TENM4: variants seen among roughly 807,000 people sequenced by gnomAD.
TENM4 encodes the protein teneurin transmembrane protein 4.
Under a neutral mutation model 243.3 loss-of-function variants are expected in TENM4, and 82 were observed. The observed-to-expected ratio is 0.34, with a 90% confidence interval of 0.28 to 0.40. The LOEUF is 0.40. Among genes scored for constraint, TENM4 ranks in the 10% least tolerant of loss-of-function variants. The pLI, the probability that TENM4 is intolerant of heterozygous loss-of-function variation, is 1.00. For missense variants in TENM4, 3,138 were observed against 3,673.3 expected (o/e 0.85, Z 3.77); for synonymous variants, 1,412 against 1,456.3 (o/e 0.97, Z 0.69).
At chr11:79,295,395 T>G (rs1397457922) in intron 2 of TENM4, among the ~76,000 whole-genome samples, 1 of 152,134 alleles carries the variant, frequency 6.6e-6, no homozygotes, top group Non-Finnish European at 1.5e-5. Flanking sequence ...AGGAAAGGGT[T>G]TGCACACACA....
intron 6 of TENM4, among the ~76,000 whole-genome samples, chr11:78,920,185 A>C (rs1177682454): frequency 1.3e-5 from 2 of 152,198 alleles, no homozygotes; most frequent in Non-Finnish European, 2.9e-5. Context: ...CAGACCATCG[A>C]TATCAACTCA....
At chr11:78,672,940 A>G (rs949858345) in intron 30 of TENM4, among the ~76,000 whole-genome samples, 3 of 151,746 alleles carry the variant, frequency 2.0e-5, no homozygotes, top group African/African-American at 4.8e-5. Flanking sequence ...TGCCACTACA[A>G]TCAGGGCTTC....
chr11:79,439,661 G>C (rs540876405), intron 1 of TENM4, among the ~76,000 whole-genome samples: 17 of 85,790 alleles, frequency 2.0e-4, no homozygotes, highest in African/African-American at 6.3e-4. Context: ...GCGTGTGTGT[G>C]TCCACACACA....
intron 1 of TENM4, among the ~76,000 whole-genome samples, chr11:79,306,170 A>G (rs1296462189): frequency 6.6e-6 from 1 of 151,970 alleles, no homozygotes; most frequent in Non-Finnish European, 1.5e-5. Context: ...TCCTGTGCTC[A>G]TCTTTGAGGG....
At chr11:78,712,752 C>G (rs1421872380) in intron 25 of TENM4, 38 bp from the exon 26 acceptor site, 1 of 1,587,756 alleles carries the variant, frequency 6.3e-7, no homozygotes, top group East Asian at 2.2e-5. Context: ...TGAGCATTTT[C>G]TTCTTCCTAT....
intron 1 of TENM4, among the ~76,000 whole-genome samples, chr11:79,341,680 C>T (rs1857244394): frequency 6.6e-6 from 1 of 152,186 alleles, no homozygotes; most frequent in Non-Finnish European, 1.5e-5. Context: ...ATTGGGGCCT[C>T]TCTGTGCTCT....
At chr11:79,176,562 G>A (rs971549070) in intron 3 of TENM4, among the ~76,000 whole-genome samples, 1 of 152,012 alleles carries the variant, frequency 6.6e-6, no homozygotes. Flanking sequence ...CTATTTAAAA[G>A]GCATTCTTTC....
intron 6 of TENM4, among the ~76,000 whole-genome samples, chr11:78,936,500 C>T (rs554881366): frequency 2.0e-5 from 3 of 152,322 alleles, no homozygotes; most frequent in East Asian, 1.9e-4. Context: ...TTCTGAGGAA[C>T]TGTTAACTGC....
intron 12 of TENM4, among the ~76,000 whole-genome samples, chr11:78,823,957 G>T (rs1857793297): frequency 6.6e-6 from 1 of 152,084 alleles, no homozygotes; most frequent in South Asian, 2.1e-4. Flanking sequence ...CCGTATGTAG[G>T]AAGGGAAAGT....
At chr11:79,423,425 C>G (rs1221126745) in intron 1 of TENM4, among the ~76,000 whole-genome samples, 1 of 152,092 alleles carries the variant, frequency 6.6e-6, no homozygotes, top group Non-Finnish European at 1.5e-5. Flanking sequence ...CTTTCTCCCC[C>G]ATACCATCCA....
At chr11:79,296,324 C>T (rs1485130802) in intron 2 of TENM4, among the ~76,000 whole-genome samples, 3 of 151,618 alleles carry the variant, frequency 2.0e-5, no homozygotes, top group African/African-American at 2.4e-5. Flanking sequence ...AAGAAGGGGG[C>T]CGGGGGGCTG....
chr11:79,088,057 C>G (rs1379364186), intron 4 of TENM4, among the ~76,000 whole-genome samples: 7 of 152,250 alleles, frequency 4.6e-5, no homozygotes, highest in Non-Finnish European at 7.3e-5. Flanking sequence ...CCGATCCTCA[C>G]TTTGTTCTCT....
intron 10 of TENM4, among the ~76,000 whole-genome samples, chr11:78,857,015 A>T (rs561447634): frequency 1.7e-3 from 263 of 152,264 alleles, no homozygotes; most frequent in South Asian, 3.5e-3. Flanking sequence ...GGGCACCACA[A>T]ATGCAAGCAA....
At chr11:78,857,369 G>A (rs1858705262) in intron 10 of TENM4, among the ~76,000 whole-genome samples, 1 of 152,132 alleles carries the variant, frequency 6.6e-6, no homozygotes, top group African/African-American at 2.4e-5. Flanking sequence ...TGGGGAATAG[G>A]AAATTAAAAT....
chr11:79,295,448 G>A (rs1002857646), intron 2 of TENM4, among the ~76,000 whole-genome samples: 1 of 152,136 alleles, frequency 6.6e-6, no homozygotes, highest in African/African-American at 2.4e-5. Context: ...CCCCCGCCCC[G>A]GGAAAGGAAG....
At chr11:78,758,326 AAT>A (rs1441239875) in intron 18 of TENM4, among the ~76,000 whole-genome samples, 1 of 152,250 alleles carries the variant, frequency 6.6e-6, no homozygotes, top group African/African-American at 2.4e-5. Flanking sequence ...GAATGAATTA[AAT>A]AGTGAAGCAG....
chr11:78,661,628 G>C, intron 32 of TENM4, 37 bp from the exon 33 acceptor site: 1 of 1,605,514 alleles, frequency 6.2e-7, no homozygotes, highest in Non-Finnish European at 8.5e-7. Flanking sequence ...TCCATGGAGT[G>C]AGTGGACCTC....
At chr11:78,836,513 T>C (rs778121080) in intron 12 of TENM4, among the ~76,000 whole-genome samples, 5 of 152,232 alleles carry the variant, frequency 3.3e-5, no homozygotes, top group Non-Finnish European at 7.3e-5. Flanking sequence ...TATGTCATTG[T>C]GTTCAGTAAG....
intron 17 of TENM4, among the ~76,000 whole-genome samples, chr11:78,772,981 G>A (rs1856671099): frequency 6.6e-6 from 1 of 152,258 alleles, no homozygotes; most frequent in South Asian, 2.1e-4. Context: ...GAGCAGAGCT[G>A]TGACACACAG....
Sources: allele counts gnomAD v4.1 joint callset (sites outside exome capture counted in the v4.1 genomes callset), GRCh38; gene constraint gnomAD v4.1.1; transcripts MANE v1.5; gene names NCBI Gene and HGNC (gene_info 2026-07-23, HGNC 2026-07-21).